Variants in KCNT2 observed in about 807,000 individuals in gnomAD.
KCNT2 encodes potassium sodium-activated channel subfamily T member 2.
KCNT2 carries 67 observed loss-of-function variants against 153.8 expected under a neutral mutation model. The ratio of observed to expected loss-of-function variants is 0.44; its 90% CI spans 0.36 to 0.53. KCNT2 has a LOEUF of 0.53. KCNT2 is among the 20% of genes least tolerant of loss of function. KCNT2 has a pLI of 0.00. For missense variants in KCNT2, 975 were observed against 1,354.8 expected, an observed-to-expected ratio of 0.72 and a Z score of 4.40; for synonymous variants, 500 against 458.8, an observed-to-expected ratio of 1.09 and a Z score of -1.15.
intron 1 of KCNT2, among the ~76,000 whole-genome samples, chr1:196,498,415 C>T (rs1373372537): frequency 6.6e-6 from 1 of 152,070 alleles, no homozygotes; most frequent in Non-Finnish European, 1.5e-5. Flanking sequence ...TTCTTACTAC[C>T]AAGTGCTTTT....
intron 1 of KCNT2, among the ~76,000 whole-genome samples, chr1:196,574,074 A>C (rs559829340): frequency 6.6e-6 from 1 of 151,984 alleles, no homozygotes; most frequent in Non-Finnish European, 1.5e-5. Flanking sequence ...ACTTCATCAT[A>C]GTTACATGGT....
chr1:196,472,190 G>A (rs182289640), intron 5 of KCNT2, among the ~76,000 whole-genome samples: 7 of 152,246 alleles, frequency 4.6e-5, no homozygotes, highest in Non-Finnish European at 8.8e-5. Flanking sequence ...TCACGAATGA[G>A]TAAATGATAC....
intron 11 of KCNT2, 69 bp downstream of exon 11, chr1:196,425,783 T>C: frequency 9.1e-6 from 14 of 1,535,940 alleles, no homozygotes; most frequent in Non-Finnish European, 1.3e-5. Flanking sequence ...TTGCTAAAAT[T>C]TGGAGGAAAG....
At chr1:196,349,789 G>A (rs926710738) in intron 14 of KCNT2, among the ~76,000 whole-genome samples, 3 of 151,316 alleles carry the variant, frequency 2.0e-5, no homozygotes, top group East Asian at 1.9e-4. Flanking sequence ...CATGTGCCAC[G>A]CTGGTGTGCT....
In KCNT2 at chr1:196,258,955, A is replaced by T. The variant is rs564558613; in HGVS notation, c.2911-461T>A. On this transcript the variant is annotated intron_variant, in intron 25 of 27. Transcript: ENST00000294725. ...TAGATTTGGAATTAATGTTGTTTTTAAATTATTGCTTTTTCTAAAGACAGC... is the reference window on the plus strand; with the variant it reads ...TAGATTTGGAATTAATGTTGTTTTTTAATTATTGCTTTTTCTAAAGACAGC... 4.6e-5 allele frequency among the ~76,000 whole-genome samples: 7 copies of T among 152,216 alleles called. No individual in the cohort carries two copies. In the East Asian group the frequency reaches 9.6e-4, roughly 21 times the overall value.
chr1:196,286,271 T>C (rs74485202), intron 22 of KCNT2, among the ~76,000 whole-genome samples: 267 of 152,130 alleles, frequency 1.8e-3, no homozygotes, highest in African/African-American at 6.2e-3. Context: ...GGGAGGTGAT[T>C]AGTTCATGGA....
Position 196,334,027 on chromosome 1 carries a change from C to T in KCNT2, c.1817G>A (p.Cys606Tyr), listed in dbSNP as rs1664747953. 1.2e-6 allele frequency: 2 copies of T among 1,613,250 alleles called. No individual in the cohort carries two copies. Among genetic ancestry groups the T allele is most frequent in the Non-Finnish European group, 1.7e-6 (2 of 1,179,622 alleles). Residue 606 changes from cysteine (C) to tyrosine (Y), a missense_variant, in exon 17 of 28, where the codon TGT becomes TAT. Transcript: ENST00000294725. Reference protein sequence around the residue: ...TVAIDLQDTSCRSASGPTLSL... With the variant: ...TVAIDLQDTSYRSASGPTLSL... ...CAGGGTAGGGCCACTTGCTGATCTACAGCTTGTATCTTGCAAGTCTATAGC... is the reference window on the plus strand; with the variant it reads ...CAGGGTAGGGCCACTTGCTGATCTATAGCTTGTATCTTGCAAGTCTATAGC...
chr1:196,580,890 G>T (rs981204314), intron 1 of KCNT2, among the ~76,000 whole-genome samples: 8 of 152,130 alleles, frequency 5.3e-5, no homozygotes, highest in Non-Finnish European at 1.2e-4. Context: ...CAAGGTGAAG[G>T]CAGGGGCCAG....
intron 1 of KCNT2, among the ~76,000 whole-genome samples, chr1:196,600,394 G>A (rs911122681): frequency 1.3e-5 from 2 of 152,208 alleles, no homozygotes; most frequent in Admixed American, 1.3e-4. Context: ...TGCAAGGCAT[G>A]CAAAGGAACC....
chr1:196,281,558 C>A (rs576147908), intron 24 of KCNT2, among the ~76,000 whole-genome samples: 29 of 152,140 alleles, frequency 1.9e-4, no homozygotes, highest in African/African-American at 6.7e-4. Context: ...ATCGTGATAC[C>A]AGACAGGAAA....
intron 1 of KCNT2, among the ~76,000 whole-genome samples, chr1:196,518,951 C>A (rs1652978434): frequency 2.0e-5 from 3 of 152,008 alleles, no homozygotes; most frequent in Admixed American, 2.0e-4. Flanking sequence ...TATGATAGAC[C>A]TCTACAGAAC....
At chr1:196,524,679 T>G (rs1653942177) in intron 1 of KCNT2, among the ~76,000 whole-genome samples, 1 of 152,160 alleles carries the variant, frequency 6.6e-6, no homozygotes, top group African/African-American at 2.4e-5. Context: ...AAGGAAAATC[T>G]TCATTTTCCT....
chr1:196,418,647 T>C (rs1672945575), intron 12 of KCNT2, among the ~76,000 whole-genome samples: 1 of 152,084 alleles, frequency 6.6e-6, no homozygotes, highest in Non-Finnish European at 1.5e-5. Context: ...CACCCACCCC[T>C]GGTATCTCTG....
At chr1:196,465,987 A>G (rs1485364313) in intron 7 of KCNT2, among the ~76,000 whole-genome samples, 2 of 152,064 alleles carry the variant, frequency 1.3e-5, no homozygotes, top group East Asian at 1.9e-4. Flanking sequence ...AAGACAAATA[A>G]CTAAGTTGAC....
chr1:196,284,931 T>A (rs1659519049), intron 23 of KCNT2, among the ~76,000 whole-genome samples: 1 of 152,212 alleles, frequency 6.6e-6, no homozygotes, highest in Non-Finnish European at 1.5e-5. Context: ...AATGCTTAAT[T>A]TGAGATTAAT....
intron 8 of KCNT2, among the ~76,000 whole-genome samples, chr1:196,433,785 T>C (rs778276377): frequency 2.0e-5 from 3 of 152,050 alleles, no homozygotes; most frequent in Non-Finnish European, 4.4e-5. Flanking sequence ...TTATGTAGCA[T>C]ACATATTCTA....
rs1248873268 is a variant in KCNT2 at position 196,590,101 on chromosome 1, A to T, written c.95+18114T>A. Among the ~76,000 whole-genome samples the T allele has an allele frequency of 2.6e-5, 4 of 152,172 alleles. No homozygotes were observed. The East Asian group carries it at 7.7e-4, about 29-fold the overall frequency. ...CACTTGTATCCCTTAAATTTATACA[A>T]ATAAAAAAAATGCAAAGTAAACACA... On this transcript the variant is annotated intron_variant, in intron 1 of 27. Coordinates refer to ENST00000294725, the MANE Select transcript of KCNT2 (RefSeq NM_198503.5).
intron 13 of KCNT2, among the ~76,000 whole-genome samples, chr1:196,385,850 G>T (rs1669932073): frequency 6.6e-6 from 1 of 151,500 alleles, no homozygotes. Context: ...GTCTGTGGTA[G>T]CCAGCCTCCA....
intron 20 of KCNT2, 32 bp from the exon 21 acceptor site, chr1:196,316,058 A>G: frequency 6.3e-7 from 1 of 1,593,838 alleles, no homozygotes; most frequent in Non-Finnish European, 8.6e-7. Flanking sequence ...AAAAACAAAC[A>G]TTAAATAAAT....
Sources: allele counts gnomAD v4.1 joint callset (sites outside exome capture counted in the v4.1 genomes callset), GRCh38; gene constraint gnomAD v4.1.1; transcripts MANE v1.5; gene names NCBI Gene and HGNC (gene_info 2026-07-23, HGNC 2026-07-21).